COMMD1: variants seen among roughly 807,000 people sequenced by gnomAD.
The protein encoded by COMMD1 is COMM domain-containing protein 1.
A neutral mutation model predicts 17.2 loss-of-function variants in COMMD1; 10 were observed. The observed-to-expected ratio is 0.58, with a 90% CI of 0.36 to 0.99. The LOEUF is 0.99. COMMD1 is among the 50% of genes least tolerant of loss of function. The probability of loss-of-function intolerance (pLI) is 0.01; values close to 1 mark genes in which losing one functional copy is unlikely to be tolerated. For missense variants in COMMD1, 270 were observed against 231.8 expected (o/e 1.17, Z -1.07); for synonymous variants, 97 against 91.6 (o/e 1.06, Z -0.34).
upstream of COMMD1, among the ~76,000 whole-genome samples, chr2:61,901,484 G>C (rs1009474515): frequency 6.6e-6 from 1 of 151,790 alleles, no homozygotes. Flanking sequence ...TTAGGTCAGC[G>C]TGGTGGTGTG....
intron 1 of COMMD1, among the ~76,000 whole-genome samples, chr2:61,970,224 T>G (rs1410453016): frequency 6.6e-6 from 1 of 150,772 alleles, no homozygotes. Context: ...CACCGCTGCA[T>G]TCCATCCAGC....
At chr2:61,907,571 AG>A (rs1422407422) in intron 1 of COMMD1, among the ~76,000 whole-genome samples, 1 of 152,154 alleles carries the variant, frequency 6.6e-6, no homozygotes, top group Non-Finnish European at 1.5e-5. Flanking sequence ...GTAATGCTTT[AG>A]AATCTCCAAA....
chr2:61,945,842 A>G (rs1464513005), intron 1 of COMMD1, among the ~76,000 whole-genome samples: 1 of 152,220 alleles, frequency 6.6e-6, no homozygotes, highest in Non-Finnish European at 1.5e-5. Context: ...GGTAGAAAGG[A>G]ATGTCTGGGT....
intron 1 of COMMD1, among the ~76,000 whole-genome samples, chr2:61,919,827 C>A (rs1207931840): frequency 6.6e-6 from 1 of 152,240 alleles, no homozygotes; most frequent in East Asian, 1.9e-4. Context: ...TCCAATAGTT[C>A]TTTAAAGGTC....
At chr2:61,888,632 T>C, upstream of COMMD1, 3 of 1,200,530 alleles carry the variant, frequency 2.5e-6, no homozygotes, top group South Asian at 4.8e-5. Context: ...GGCGCCGGCG[T>C]CGGGAGGAGG....
At chr2:61,987,797 G>T (rs1263084482) in intron 1 of COMMD1, among the ~76,000 whole-genome samples, 1 of 152,194 alleles carries the variant, frequency 6.6e-6, no homozygotes, top group Admixed American at 6.5e-5. Context: ...TTTTAGAGAT[G>T]CTGTCTGGGA....
At position 61,963,224 on chromosome 2, in the gene COMMD1, T is replaced by C. The variant is rs1423415619; in HGVS notation, c.181-37477T>C. 5.6e-5 allele frequency among the ~76,000 whole-genome samples: 8 copies of C among 144,084 alleles called. No homozygotes were observed. In the East Asian group the frequency reaches 1.6e-3, roughly 28 times the overall value. The allele number at this position is 144,084 out of a possible 152,430, so 94.5% of individuals were successfully genotyped here. On this transcript the variant is annotated intron_variant, in intron 1 of 2. Transcript: ENST00000311832. ...ACACACACACACACACACACACATA[T>C]ATACATATATACACACACACACACA...
At chr2:61,978,771 A>G (rs1339468424) in intron 1 of COMMD1, among the ~76,000 whole-genome samples, 4 of 152,202 alleles carry the variant, frequency 2.6e-5, no homozygotes, top group African/African-American at 9.7e-5. Flanking sequence ...CACAGTGCCT[A>G]GGTTCTAAGA....
At chr2:62,093,414 A>G (rs865832590) in intron 2 of COMMD1, among the ~76,000 whole-genome samples, 5 of 152,212 alleles carry the variant, frequency 3.3e-5, no homozygotes, top group South Asian at 2.1e-4. Flanking sequence ...CAGGGGCCCA[A>G]TGAGTCATTT....
At chr2:62,015,662 T>A (rs1176679437) in intron 2 of COMMD1, among the ~76,000 whole-genome samples, 1 of 151,960 alleles carries the variant, frequency 6.6e-6, no homozygotes. Flanking sequence ...TTCCAGTTTC[T>A]GTACATCCTC....
intron 2 of COMMD1, among the ~76,000 whole-genome samples, chr2:62,087,808 G>C (rs1234917569): frequency 6.6e-6 from 1 of 152,214 alleles, no homozygotes; most frequent in Non-Finnish European, 1.5e-5. Context: ...TCCACCATGT[G>C]TTAGTCCATA....
chr2:62,076,260 G>A (rs980987667), intron 2 of COMMD1, among the ~76,000 whole-genome samples: 1 of 152,242 alleles, frequency 6.6e-6, no homozygotes, highest in East Asian at 1.9e-4. Context: ...TGTACATAAT[G>A]TTGTCTTTGT....
intron 2 of COMMD1, among the ~76,000 whole-genome samples, chr2:62,088,230 T>C (rs1347329922): frequency 6.6e-6 from 1 of 152,240 alleles, no homozygotes; most frequent in African/African-American, 2.4e-5. Flanking sequence ...CTTTTTTCTC[T>C]GGACTTTCAC....
Position 62,041,554 on chromosome 2 carries a change from ATTCT to A in COMMD1, c.462+40577_462+40580del, listed in dbSNP as rs377333463. ...CCAAGTAGCTGGGCAAACTTGGCCA[ATTCT>A]TTCTGTGTTTTGTGTGGAGATGAGG... is the stretch of plus-strand genomic sequence containing the variant. On this transcript the variant is annotated intron_variant, in intron 2 of 2. Transcript: ENST00000311832. Among the ~76,000 whole-genome samples the A allele has an allele frequency of 6.0e-3, 906 of 152,070 alleles. 17 individuals carry two copies. In the East Asian group the frequency reaches 0.07, roughly 12 times the overall value.
intron 1 of COMMD1, among the ~76,000 whole-genome samples, chr2:61,972,929 C>A (rs983977154): frequency 6.6e-6 from 1 of 152,108 alleles, no homozygotes; most frequent in Non-Finnish European, 1.5e-5. Flanking sequence ...CTTCGGCCAC[C>A]CAAAGTGTTG....
At chr2:62,012,467 C>T (rs1196915543) in intron 2 of COMMD1, among the ~76,000 whole-genome samples, 2 of 151,836 alleles carry the variant, frequency 1.3e-5, no homozygotes, top group Admixed American at 1.3e-4. Context: ...TACAGGCATG[C>T]ACCACCACGC....
chr2:61,958,950 G>T (rs957881032), intron 1 of COMMD1, among the ~76,000 whole-genome samples: 3 of 152,124 alleles, frequency 2.0e-5, no homozygotes, highest in Non-Finnish European at 4.4e-5. Context: ...CAGAGGTGGG[G>T]TTATTAGATT....
chr2:62,028,282 A>T (rs1669821443), intron 2 of COMMD1, among the ~76,000 whole-genome samples: 1 of 152,182 alleles, frequency 6.6e-6, no homozygotes, highest in Non-Finnish European at 1.5e-5. Context: ...ATATAAAAGG[A>T]AAGTGTGTTG....
chr2:61,896,819 C>CTTTT (rs112184843), intron 1 of COMMD1, among the ~76,000 whole-genome samples: 12 of 137,192 alleles, frequency 8.7e-5, no homozygotes, highest in Admixed American at 1.5e-4. Context: ...TTTTCCTTTT[C>CTTTT]TTTTTTTTTT....
Sources: gnomAD v4.1 joint callset for allele counts (sites outside exome capture counted in the v4.1 genomes callset) on GRCh38, gnomAD v4.1.1 for gene constraint, MANE v1.5 for transcripts, NCBI Gene and HGNC (gene_info 2026-07-23, HGNC 2026-07-21) for gene names.